Variants in PTPN4 observed in about 807,000 individuals in gnomAD.
PTPN4 encodes the protein protein tyrosine phosphatase non-receptor type 4, also known as tyrosine-protein phosphatase non-receptor type 4.
PTPN4 carries 49 observed loss-of-function variants against 135.5 expected under a neutral mutation model. The ratio of observed to expected loss-of-function variants is 0.36; its 90% CI spans 0.29 to 0.46. The LOEUF is 0.46. PTPN4 is among the 20% of genes least tolerant of loss of function. The pLI is 1.00. For synonymous variants in PTPN4, 333 were observed against 369.9 expected, an observed-to-expected ratio of 0.90 and a Z score of 1.14; for missense variants, 860 against 1,101.0, an observed-to-expected ratio of 0.78 and a Z score of 3.10.
At chr2:119,911,681 G>A (rs1327405696) in intron 10 of PTPN4, among the ~76,000 whole-genome samples, 2 of 151,814 alleles carry the variant, frequency 1.3e-5, no homozygotes, top group African/African-American at 2.4e-5. Context: ...GGAATAAAAG[G>A]CAAACAAATG....
intron 2 of PTPN4, among the ~76,000 whole-genome samples, chr2:119,814,171 G>A (rs1354918045): frequency 6.6e-6 from 1 of 152,202 alleles, no homozygotes; most frequent in Non-Finnish European, 1.5e-5. Context: ...TGAGTTTGTA[G>A]AGCCTCACTG....
intron 2 of PTPN4, among the ~76,000 whole-genome samples, chr2:119,818,255 CT>C (rs35604466): frequency 0.087 from 13,210 of 152,186 alleles, 719 homozygotes; most frequent in Middle Eastern, 0.18. Context: ...TACATCACCC[CT>C]AAATCTGTTT....
chr2:119,923,331 C>T (rs1678765441), intron 12 of PTPN4, among the ~76,000 whole-genome samples: 1 of 152,138 alleles, frequency 6.6e-6, no homozygotes, highest in African/African-American at 2.4e-5. Flanking sequence ...ATGATCAGGC[C>T]ACTGCACTTC....
chr2:119,814,379 A>C (rs1167662196), intron 2 of PTPN4, among the ~76,000 whole-genome samples: 3 of 152,146 alleles, frequency 2.0e-5, no homozygotes, highest in Non-Finnish European at 2.9e-5. Flanking sequence ...TTTTCTTCAG[A>C]GAGTAAATCT....
At chr2:119,761,843 T>C (rs1251678622) in intron 1 of PTPN4, among the ~76,000 whole-genome samples, 1 of 152,186 alleles carries the variant, frequency 6.6e-6, no homozygotes, top group Admixed American at 6.5e-5. Context: ...AAAATATTAA[T>C]TGAGTAGGTC....
rs536265224 is a variant in PTPN4 at position 119,894,541 on chromosome 2, A to G, written c.676-6177A>G. Reference sequence around the variant, plus strand: ...CCATTAGGCCTATATAAAGCATACAAACATTTTTTTCATCATTAATGAATG... The same window carrying G: ...CCATTAGGCCTATATAAAGCATACAGACATTTTTTTCATCATTAATGAATG... On this transcript the variant is annotated intron_variant, in intron 9 of 26. Coordinates refer to ENST00000263708, the MANE Select transcript of PTPN4 (RefSeq NM_002830.4). Among the ~76,000 whole-genome samples, 13 of 152,330 alleles carry G rather than the reference A, an allele frequency of 8.5e-5. No individual in the cohort carries two copies. In the South Asian group the frequency reaches 2.3e-3, roughly 27 times the overall value.
chr2:119,766,508 G>A (rs1208330089), intron 1 of PTPN4, among the ~76,000 whole-genome samples: 1 of 149,402 alleles, frequency 6.7e-6, no homozygotes, highest in Non-Finnish European at 1.5e-5. Context: ...GTGTGTGTGT[G>A]TGAAATATCT....
At chr2:119,962,022 C>T (rs893969352) in intron 23 of PTPN4, among the ~76,000 whole-genome samples, 1 of 152,146 alleles carries the variant, frequency 6.6e-6, no homozygotes, top group African/African-American at 2.4e-5. Context: ...CTATTGTATA[C>T]ATTAAACGAG....
chr2:119,923,713 A>G (rs1039533441), intron 12 of PTPN4, among the ~76,000 whole-genome samples: 1 of 152,194 alleles, frequency 6.6e-6, no homozygotes, highest in African/African-American at 2.4e-5. Flanking sequence ...TTATTTTTAT[A>G]TAAAAAGCCC....
intron 12 of PTPN4, among the ~76,000 whole-genome samples, chr2:119,924,262 T>A (rs1191828678): frequency 3.3e-5 from 5 of 152,226 alleles, no homozygotes; most frequent in South Asian, 4.1e-4. Flanking sequence ...TCCTTTTTTT[T>A]AATATGAATG....
chr2:119,769,256 T>A (rs6542549), intron 1 of PTPN4, among the ~76,000 whole-genome samples: 45,101 of 152,102 alleles, frequency 0.3, 6,892 homozygotes, highest in African/African-American at 0.36. Flanking sequence ...GCTGCCATGT[T>A]GCTGAGAGAA....
At chr2:119,761,726 A>G (rs1302556285) in intron 1 of PTPN4, among the ~76,000 whole-genome samples, 1 of 152,196 alleles carries the variant, frequency 6.6e-6, no homozygotes, top group Non-Finnish European at 1.5e-5. Flanking sequence ...TATAAGAGAA[A>G]CAGTCTATTT....
At chr2:119,939,138 A>G (rs1679027336) in intron 15 of PTPN4, among the ~76,000 whole-genome samples, 1 of 152,216 alleles carries the variant, frequency 6.6e-6, no homozygotes, top group African/African-American at 2.4e-5. Context: ...CTCTTGGGAT[A>G]TATTCCAACA....
intron 14 of PTPN4, among the ~76,000 whole-genome samples, chr2:119,933,717 G>A (rs1166248554): frequency 6.6e-6 from 1 of 151,238 alleles, no homozygotes; most frequent in Non-Finnish European, 1.5e-5. Flanking sequence ...ATTATCAGCT[G>A]AAGAATAAAG....
At chr2:119,828,112 C>T (rs1264345414) in intron 2 of PTPN4, among the ~76,000 whole-genome samples, 3 of 152,216 alleles carry the variant, frequency 2.0e-5, no homozygotes, top group African/African-American at 4.8e-5. Context: ...CTTCAGCTGT[C>T]ATGCTGTGAG....
chr2:119,894,911 T>A (rs1031777025), intron 9 of PTPN4, among the ~76,000 whole-genome samples: 2 of 152,186 alleles, frequency 1.3e-5, no homozygotes, highest in South Asian at 4.1e-4. Flanking sequence ...TGCCTGAGTA[T>A]GGGAAAGTGG....
chr2:119,854,440 G>A (rs917110144), intron 2 of PTPN4, among the ~76,000 whole-genome samples: 2 of 152,096 alleles, frequency 1.3e-5, no homozygotes, highest in African/African-American at 4.8e-5. Flanking sequence ...AATAACTCCC[G>A]TAATATTCCC....
At chr2:119,781,525 T>TATA (rs1690938948) in intron 1 of PTPN4, among the ~76,000 whole-genome samples, 1 of 152,206 alleles carries the variant, frequency 6.6e-6, no homozygotes, top group Admixed American at 6.5e-5. Flanking sequence ...CAACAAACTT[T>TATA]ATAAAGTTCG....
intron 1 of PTPN4, among the ~76,000 whole-genome samples, chr2:119,783,012 T>A (rs912411572): frequency 2.6e-5 from 4 of 151,412 alleles, no homozygotes; most frequent in African/African-American, 9.8e-5. Flanking sequence ...TTTTTTTTTT[T>A]ACTAAATTCC....
Sources: gnomAD v4.1 joint callset for allele counts (sites outside exome capture counted in the v4.1 genomes callset) on GRCh38, gnomAD v4.1.1 for gene constraint, MANE v1.5 for transcripts, NCBI Gene and HGNC (gene_info 2026-07-23, HGNC 2026-07-21) for gene names.